The following PDAP1 variants were observed in gnomAD, a reference collection of about 807,000 sequenced individuals.
PDAP1 encodes PDGFA associated protein 1.
In PDAP1, 13 loss-of-function variants were observed where a neutral mutation model predicts 28.0. The observed-to-expected ratio is 0.46, with a 90% CI of 0.30 to 0.74. The LOEUF is 0.74. Ranked by LOEUF, PDAP1 falls within the 30% of genes least tolerant of loss-of-function variation. The pLI is 0.07. For missense variants in PDAP1, 150 were observed against 230.0 expected, an observed-to-expected ratio of 0.65 and a Z score of 2.25; for synonymous variants, 77 against 85.1, an observed-to-expected ratio of 0.91 and a Z score of 0.52.
At chr7:99,398,510 A>C (rs1019090045) in intron 4 of PDAP1, among the ~76,000 whole-genome samples, 13 of 152,234 alleles carry the variant, frequency 8.5e-5, no homozygotes, top group African/African-American at 2.9e-4. Flanking sequence ...TGGGCAATAT[A>C]GCAAGACTCT....
In PDAP1 at chr7:99,395,520, A is replaced by G. The variant is rs1794737926; in HGVS notation, c.*1162T>C. The G allele has an allele frequency of 6.6e-6, 1 of 152,338 alleles. No homozygotes were observed. The highest frequency in any genetic ancestry group is 1.9e-4 in the East Asian group (1 of 5,186). 9.4% of individuals were successfully genotyped at this position (152,338 alleles called of 1,614,324 possible). On this transcript the variant is annotated 3_prime_UTR_variant, in exon 6 of 6. Coordinates refer to ENST00000350498, the MANE Select transcript of PDAP1 (RefSeq NM_014891.7). ...GCAAGATATTTTTTTCGTGTGCTGT[A>G]AACTGAGGTTCTGTCTTGGAGTTTA...
chr7:99,402,435 A>G (rs558107795), intron 3 of PDAP1, among the ~76,000 whole-genome samples: 1 of 151,552 alleles, frequency 6.6e-6, no homozygotes, highest in Admixed American at 6.6e-5. Flanking sequence ...TGAGATCCCT[A>G]TCTCTACAAA....
chr7:99,406,366 A>G (rs1441438920), intron 1 of PDAP1, among the ~76,000 whole-genome samples: 1 of 152,224 alleles, frequency 6.6e-6, no homozygotes, highest in Non-Finnish European at 1.5e-5. Context: ...TGGAAACACA[A>G]TAAAATACCT....
intron 5 of PDAP1, 81 bp downstream of exon 5, chr7:99,397,781 C>G (rs1794794491): frequency 6.5e-7 from 1 of 1,539,106 alleles, no homozygotes; most frequent in Non-Finnish European, 8.9e-7. Context: ...ACCTCGCGGA[C>G]AGGGACACGA....
intron 3 of PDAP1, among the ~76,000 whole-genome samples, chr7:99,402,354 T>TC (rs896735157): frequency 6.6e-6 from 1 of 150,700 alleles, no homozygotes; most frequent in African/African-American, 2.4e-5. Context: ...TGCTGCAATC[T>TC]CAACACCTCA....
At chr7:99,406,279 T>G (rs1203972066) in intron 1 of PDAP1, among the ~76,000 whole-genome samples, 1 of 150,238 alleles carries the variant, frequency 6.7e-6, no homozygotes, top group African/African-American at 2.5e-5. Context: ...TTCGTTACTT[T>G]TCCCTCTAAT....
intron 3 of PDAP1, 122 bp from the exon 4 acceptor site, chr7:99,400,546 C>G (rs900800116): frequency 9.1e-7 from 1 of 1,098,040 alleles, no homozygotes; most frequent in Admixed American, 2.2e-5. Context: ...CCCCAGCCCA[C>G]GTAGTGCTCA....
chr7:99,398,900 T>G (rs1794811948), intron 4 of PDAP1, among the ~76,000 whole-genome samples: 2 of 152,200 alleles, frequency 1.3e-5, no homozygotes. Flanking sequence ...GAATAATTGC[T>G]GGGCTCCCAT....
chr7:99,405,050 C>G (rs1294407010), intron 1 of PDAP1, 97 bp from the exon 2 acceptor site: 2 of 817,006 alleles, frequency 2.4e-6, no homozygotes, highest in African/African-American at 3.4e-5. Flanking sequence ...TCATCGGAGG[C>G]CTCACCTACC....
chr7:99,405,860 G>GT (rs981418062), intron 1 of PDAP1, among the ~76,000 whole-genome samples: 6 of 152,320 alleles, frequency 3.9e-5, no homozygotes, highest in African/African-American at 1.4e-4. Context: ...TTCCTCATCT[G>GT]TGTCCCTACC....
intron 1 of PDAP1, 47 bp downstream of exon 1, chr7:99,408,489 C>T: frequency 7.4e-7 from 1 of 1,344,576 alleles, no homozygotes; most frequent in Non-Finnish European, 9.6e-7. Flanking sequence ...GAAGCCGGAC[C>T]TGGGCCGCCC....
At chr7:99,406,184 G>C (rs1794967231) in intron 1 of PDAP1, among the ~76,000 whole-genome samples, 1 of 152,166 alleles carries the variant, frequency 6.6e-6, no homozygotes, top group Non-Finnish European at 1.5e-5. Context: ...AGGAGGCAGA[G>C]GTTGCAGTAG....
intron 5 of PDAP1, among the ~76,000 whole-genome samples, 195 bp from the exon 6 acceptor site, chr7:99,396,935 C>T (rs572761667): frequency 6.6e-6 from 1 of 152,290 alleles, no homozygotes; most frequent in East Asian, 1.9e-4. Context: ...CGACACGCTT[C>T]AGTGGCCAGA....
Position 99,408,580 on chromosome 7 carries a change from G to GCGC in PDAP1, c.-35_-33dup, listed in dbSNP as rs994904529. 7.9e-7 allele frequency: 1 copy of GCGC among 1,267,376 alleles called. No individual in the cohort carries two copies. Among genetic ancestry groups the GCGC allele is most frequent in the East Asian group, 3.1e-5 (1 of 31,846 alleles). 78.5% of individuals were successfully genotyped at this position (1,267,376 alleles called of 1,614,324 possible). A position where few individuals can be genotyped will look rare whatever the true frequency, so the allele number is the denominator to read the frequency against. On this transcript the variant is annotated 5_prime_UTR_variant, in exon 1 of 6. Coordinates refer to ENST00000350498, the MANE Select transcript of PDAP1 (RefSeq NM_014891.7). ...TCCGGCGGCTGCGGCGGCGGCGGCG[G>GCGC]CGCCTCGAACTGACACCGGAACCGG...
At position 99,394,857 on chromosome 7, in the gene PDAP1, G is replaced by C. The variant is rs1367897197; in HGVS notation, c.*1825C>G. On this transcript the variant is annotated 3_prime_UTR_variant, in exon 6 of 6. Coordinates refer to ENST00000350498, the MANE Select transcript of PDAP1 (RefSeq NM_014891.7). Reference sequence around the variant, plus strand: ...GGAGAGGTTTTTTGTTATTTCCTTGGGGTCTTGCTAAGTTTTCCAGGCTGC... The same window carrying C: ...GGAGAGGTTTTTTGTTATTTCCTTGCGGTCTTGCTAAGTTTTCCAGGCTGC... The C allele has an allele frequency of 8.2e-7, 1 of 1,222,918 alleles. No homozygotes were observed. Among genetic ancestry groups the C allele is most frequent in the Non-Finnish European group, 1.0e-6 (1 of 979,300 alleles). The allele number at this position is 1,222,918 out of a possible 1,614,324, so 75.8% of individuals were successfully genotyped here.
At position 99,396,504 on chromosome 7, in the gene PDAP1, C is replaced by T. The variant is rs1256459638; in HGVS notation, c.*178G>A. 7 of 109,376 alleles carry T rather than the reference C, an allele frequency of 6.4e-5. No homozygotes were observed. The highest frequency in any genetic ancestry group is 4.9e-4 in the South Asian group (4 of 8,208). The allele number at this position is 109,376 out of a possible 1,614,324, so 6.8% of individuals were successfully genotyped here. A position where few individuals can be genotyped will look rare whatever the true frequency, so the allele number is the denominator to read the frequency against. ...AGATAGCAGCTACCCCTCCCCCAGT[C>T]CCCCCCCCCATCCCCCAAACAATTT... On this transcript the variant is annotated 3_prime_UTR_variant, in exon 6 of 6. Transcript: ENST00000350498.
At chr7:99,397,628 C>T (rs566889970) in intron 5 of PDAP1, among the ~76,000 whole-genome samples, 18 of 152,312 alleles carry the variant, frequency 1.2e-4, no homozygotes, top group Admixed American at 7.2e-4. Flanking sequence ...CTACTGTGGA[C>T]GGTGCTCTGC....
intron 4 of PDAP1, 24 bp downstream of exon 4, chr7:99,400,279 A>C: frequency 6.2e-7 from 1 of 1,612,512 alleles, no homozygotes; most frequent in Non-Finnish European, 8.5e-7. Context: ...TCCCCGTGAC[A>C]CAAGGCCCAG....
At position 99,408,549 on chromosome 7, in the gene PDAP1, TGCGGCTCCG is replaced by T. The variant is rs1306304402; in HGVS notation, c.-10_-2del. The T allele has an allele frequency of 3.1e-6, 4 of 1,280,982 alleles. No homozygotes were observed. The highest frequency in any genetic ancestry group is 3.0e-6 in the Non-Finnish European group (3 of 1,012,028). 79.4% of individuals were successfully genotyped at this position (1,280,982 alleles called of 1,614,324 possible). A position where few individuals can be genotyped will look rare whatever the true frequency, so the allele number is the denominator to read the frequency against. On this transcript the variant is annotated 5_prime_UTR_variant, in exon 1 of 6. Coordinates refer to ENST00000350498, the MANE Select transcript of PDAP1 (RefSeq NM_014891.7). ...CCCGCCCCTCACCTCCTTTAGGCATTGCGGCTCCGGCGGCTGCGGCGGCGGCGGCGGCGC... is the reference window on the plus strand; with the variant it reads ...CCCGCCCCTCACCTCCTTTAGGCATTGCGGCTGCGGCGGCGGCGGCGGCGC...
Sources: gnomAD v4.1 joint callset for allele counts (sites outside exome capture counted in the v4.1 genomes callset) on GRCh38, gnomAD v4.1.1 for gene constraint, MANE v1.5 for transcripts, NCBI Gene and HGNC (gene_info 2026-07-23, HGNC 2026-07-21) for gene names.